BTN3A3: variants seen among roughly 807,000 people sequenced by gnomAD.
BTN3A3 encodes butyrophilin 3.
In BTN3A3, 39 loss-of-function variants were observed where a neutral mutation model predicts 43.2. The ratio of observed to expected loss-of-function variants is 0.90; its 90% CI spans 0.70 to 1.18. BTN3A3 has a LOEUF of 1.18. Among genes scored for constraint, BTN3A3 ranks in the 50% most tolerant of loss-of-function variants. BTN3A3 has a pLI of 0.00. For missense variants in BTN3A3, 631 were observed against 722.8 expected, an observed-to-expected ratio of 0.87 and a Z score of 1.46; for synonymous variants, 255 against 272.7, an observed-to-expected ratio of 0.93 and a Z score of 0.64.
chr6:26,452,294 G>A lies in BTN3A3; in HGVS notation c.1638G>A (p.Glu546=), dbSNP rs780184544. The change falls in exon 11 of 11, where the codon GAG becomes GAA. Residue 546 remains glutamate, a synonymous_variant. Coordinates refer to ENST00000244519, the MANE Select transcript of BTN3A3 (RefSeq NM_006994.5). ...LTPGLANESG[E]PQAEVTSLLL... ...CGGGCTTAGCTAATGAAAGTGGGGA[G>A]CCTCAGGCTGAAGTAACATCTCTGC... The A allele has an allele frequency of 4.7e-5, 76 of 1,614,038 alleles. No homozygotes were observed. Among genetic ancestry groups the A allele is most frequent in the South Asian group, 3.8e-4 (35 of 91,084 alleles).
At chr6:26,443,805 C>T (rs1796523) in intron 3 of BTN3A3, 146 bp downstream of exon 3, 73,967 of 1,423,352 alleles carry the variant, frequency 0.052, 3,119 homozygotes, top group Middle Eastern at 0.076. Flanking sequence ...ACCTGAAGGA[C>T]CACCTGTCAC....
chr6:26,450,608 A>C (rs191992178), intron 10 of BTN3A3, among the ~76,000 whole-genome samples: 22 of 152,348 alleles, frequency 1.4e-4, no homozygotes, highest in African/African-American at 5.0e-4. Flanking sequence ...TGAGGTGAAG[A>C]CTGAAGTAAT....
intron 4 of BTN3A3, 157 bp downstream of exon 4, chr6:26,444,461 C>A (rs941952034): frequency 7.3e-5 from 86 of 1,173,048 alleles, no homozygotes; most frequent in Non-Finnish European, 9.5e-5. Context: ...TTAAGAAAGA[C>A]ACATTCTTTC....
chr6:26,449,727 G>A (rs1389581557), intron 9 of BTN3A3, 39 bp downstream of exon 9: 3 of 1,612,284 alleles, frequency 1.9e-6, no homozygotes, highest in Admixed American at 3.3e-5. Flanking sequence ...GCTGGGTCAT[G>A]TACAATGAAC....
chr6:26,444,678 A>T, intron 4 of BTN3A3: 1 of 380,594 alleles, frequency 2.6e-6, no homozygotes, highest in Non-Finnish European at 4.9e-6. Context: ...GGGTCCTGGG[A>T]GGTGGAATGG....
Position 26,452,616 on chromosome 6 carries a change from CT to C in BTN3A3, c.*208del. 1.8e-6 allele frequency: 1 copy of C among 559,958 alleles called. No individual in the cohort carries two copies. Among genetic ancestry groups the C allele is most frequent in the Non-Finnish European group, 3.1e-6 (1 of 322,824 alleles). 34.7% of individuals were successfully genotyped at this position (559,958 alleles called of 1,614,324 possible). On this transcript the variant is annotated 3_prime_UTR_variant, in exon 11 of 11. Transcript: ENST00000244519. ...AATGTTCTTAGTGCTGTGTTATAAGCTTTGGTGGATGTCACTCCTTTAATCC... is the reference window on the plus strand; with the variant it reads ...AATGTTCTTAGTGCTGTGTTATAAGCTTGGTGGATGTCACTCCTTTAATCC...
intron 3 of BTN3A3, 46 bp from the exon 4 acceptor site, chr6:26,443,911 C>A: frequency 6.2e-7 from 1 of 1,613,776 alleles, no homozygotes; most frequent in Non-Finnish European, 8.5e-7. Flanking sequence ...CTCTCGTGAC[C>A]CCAACTCCAA....
At chr6:26,450,768 T>C (rs865869857) in intron 10 of BTN3A3, among the ~76,000 whole-genome samples, 38 of 152,226 alleles carry the variant, frequency 2.5e-4, no homozygotes, top group Non-Finnish European at 4.4e-4. Flanking sequence ...GGAGCTGTCT[T>C]CACTCCTAGC....
At chr6:26,443,869 A>G in intron 3 of BTN3A3, 88 bp from the exon 4 acceptor site, 4 of 1,597,322 alleles carry the variant, frequency 2.5e-6, no homozygotes, top group Admixed American at 3.4e-5. Context: ...GGTTCTCTGT[A>G]TCTCGCCTTC....
Position 26,452,319 on chromosome 6 carries a change from C to T in BTN3A3, c.1663C>T (p.Leu555Phe). Residue 555 changes from leucine to phenylalanine, a missense_variant, in exon 11 of 11, where the codon CTT becomes TTT. By Grantham distance (22) the Leu-to-Phe change is conservative (BLOSUM62 0). Transcript: ENST00000244519. Reference sequence around the variant, plus strand: ...GCCTCAGGCTGAAGTAACATCTCTGCTTCTCCCTGCCCACCCTGGAGCTGA... The same window carrying T: ...GCCTCAGGCTGAAGTAACATCTCTGTTTCTCCCTGCCCACCCTGGAGCTGA... ...GEPQAEVTSL[L>F]LPAHPGAEVS... 2 of 1,613,466 alleles carry T rather than the reference C, an allele frequency of 1.2e-6. No individual in the cohort carries two copies. The highest frequency in any genetic ancestry group is 1.7e-6 in the Non-Finnish European group (2 of 1,180,016).
At chr6:26,450,158 T>C in intron 10 of BTN3A3, 25 bp downstream of exon 10, 1 of 1,610,034 alleles carries the variant, frequency 6.2e-7, no homozygotes, top group Non-Finnish European at 8.5e-7. Context: ...GTATGTTCCC[T>C]GGATCAACAA....
chr6:26,449,404 A>G (rs1012610912), intron 8 of BTN3A3: 1 of 542,630 alleles, frequency 1.8e-6, no homozygotes, highest in South Asian at 2.2e-5. Context: ...AGGAGTATAG[A>G]CAGATTCAAA....
rs143237800 is a variant in BTN3A3, at chr6:26,451,964, G to T, written c.1308G>T (p.Leu436=). Residue 436 remains leucine (L), a synonymous_variant, in exon 11 of 11, where the codon CTG becomes CTT. Coordinates refer to ENST00000244519, the MANE Select transcript of BTN3A3 (RefSeq NM_006994.5). The part of the protein sequence containing the change: ...TPENGYWTMG[L]TDGNKYRALT... ...AGAACGGATACTGGACTATGGGCCTGACTGATGGGAATAAGTATCGGGCTC... is the reference window on the plus strand; with the variant it reads ...AGAACGGATACTGGACTATGGGCCTTACTGATGGGAATAAGTATCGGGCTC... The T allele has an allele frequency of 6.2e-7, 1 of 1,614,140 alleles. No individual in the cohort carries two copies.
intron 5 of BTN3A3, among the ~76,000 whole-genome samples, chr6:26,446,541 A>G (rs1581654496): frequency 1.3e-5 from 2 of 152,326 alleles, no homozygotes; most frequent in South Asian, 4.1e-4. Context: ...CTATGGCAGG[A>G]GTGTAGGAAG....
rs1357316175 is a variant in BTN3A3, at chr6:26,450,116, T to C, written c.1001T>C (p.Met334Thr). 1.2e-6 allele frequency: 2 copies of C among 1,613,618 alleles called. No homozygotes were observed. The highest frequency in any genetic ancestry group is 2.7e-5 in the African/African-American group (2 of 74,894). Residue 334 changes from methionine (M) to threonine (T), a missense_variant, in exon 10 of 11, where the codon ATG becomes ACG. Met to Thr is a moderately conservative substitution (Grantham distance 81). Transcript: ENST00000244519. ...GTCTCCTTCCTTTCAGAATGGAAAA[T>C]GGCCCTCTTCAAACCTGGTGAGTAA... Reference protein sequence around the residue: ...EKSLAYHEWKMALFKPADVIL... With the variant: ...EKSLAYHEWKTALFKPADVIL...
At chr6:26,449,949 G>A (rs1388088383) in intron 9 of BTN3A3, among the ~76,000 whole-genome samples, 158 bp from the exon 10 acceptor site, 3 of 152,138 alleles carry the variant, frequency 2.0e-5, no homozygotes, top group Non-Finnish European at 4.4e-5. Flanking sequence ...TTGTTTAGAA[G>A]GTGCCACCTC....
In BTN3A3 at chr6:26,443,662, A is replaced by G. The variant is rs781113335; in HGVS notation, c.85+3A>G. The G allele has an allele frequency of 1.2e-6, 2 of 1,614,096 alleles. No homozygotes were observed. Among genetic ancestry groups the G allele is most frequent in the Admixed American group, 3.3e-5 (2 of 60,024 alleles). ...CCAGCTGCTCACTCCTTGCTCAGGT[A>G]GGGAATGATTCCATGATTCCACATT... is the stretch of plus-strand genomic sequence containing the variant. On this transcript the variant is annotated splice_donor_region_variant and intron_variant, in intron 3 of 10. Coordinates refer to ENST00000244519, the MANE Select transcript of BTN3A3 (RefSeq NM_006994.5).
At chr6:26,445,599 G>A (rs1762754655) in intron 4 of BTN3A3, 105 bp from the exon 5 acceptor site, 7 of 1,385,710 alleles carry the variant, frequency 5.1e-6, no homozygotes, top group Non-Finnish European at 6.9e-6. Flanking sequence ...GCTCCTGAAT[G>A]AAATCTTCCT....
rs1762934358 is a variant in BTN3A3 at position 26,451,682 on chromosome 6, G to A, written c.1026G>A (p.Val342=). ...WKMALFKPAD[V]ILDPDTANAI... ...TCCTCAAACTCTCTGCAGCGGATGTGATTCTGGATCCAGACACGGCAAACG... is the reference window on the plus strand; with the variant it reads ...TCCTCAAACTCTCTGCAGCGGATGTAATTCTGGATCCAGACACGGCAAACG... The change falls in exon 11 of 11, where the codon GTG becomes GTA. Residue 342 remains valine, a synonymous_variant. Transcript: ENST00000244519. The A allele has an allele frequency of 3.7e-6, 6 of 1,611,298 alleles. No individual in the cohort carries two copies. The South Asian group carries it at 6.6e-5, about 18-fold the overall frequency.
Sources: allele counts gnomAD v4.1 joint callset (sites outside exome capture counted in the v4.1 genomes callset), GRCh38; gene constraint gnomAD v4.1.1; transcripts MANE v1.5; gene names NCBI Gene and HGNC (gene_info 2026-07-23, HGNC 2026-07-21).